The following SYTL5 variants were observed in gnomAD, a reference collection of about 807,000 sequenced individuals.
SYTL5 encodes the protein synaptotagmin-like protein 5.
SYTL5 carries 34 observed loss-of-function variants against 55.9 expected under a neutral mutation model. That is an observed-to-expected ratio of 0.61 (90% CI 0.46 to 0.81). The LOEUF is 0.81. Ranked by LOEUF, SYTL5 falls within the 30% of genes least tolerant of loss-of-function variation. The pLI, the probability that SYTL5 is intolerant of heterozygous loss-of-function variation, is 0.00. For synonymous variants in SYTL5, 221 were observed against 188.7 expected, an observed-to-expected ratio of 1.17 and a Z score of -1.40; for missense variants, 637 against 546.7, an observed-to-expected ratio of 1.17 and a Z score of -1.65.
chrX:38,084,699 G>T (rs1441861771), intron 6 of SYTL5, among the ~76,000 whole-genome samples: 2 of 83,140 alleles, frequency 2.4e-5, no homozygotes, highest in Non-Finnish European at 4.5e-5. Context: ...CCCCAAACTG[G>T]CATACACACA....
chrX:38,070,013 T>C (rs1022749795), intron 3 of SYTL5, among the ~76,000 whole-genome samples: 6 of 112,049 alleles, frequency 5.4e-5, no homozygotes, highest in Admixed American at 4.8e-4. Flanking sequence ...GGCTTCTCAA[T>C]AGGTAATATA....
At chrX:38,098,039 G>A (rs759052756) in intron 9 of SYTL5, among the ~76,000 whole-genome samples, 2 of 110,614 alleles carry the variant, frequency 1.8e-5, no homozygotes, top group Admixed American at 1.9e-4. Flanking sequence ...ATTAAGCAAC[G>A]CAAAATGGAT....
upstream of SYTL5, among the ~76,000 whole-genome samples, chrX:38,003,202 G>T (rs1933901352): frequency 9.0e-6 from 1 of 111,086 alleles, no homozygotes; most frequent in Non-Finnish European, 1.9e-5. Flanking sequence ...ATTTCTGAGG[G>T]CTCTGTTCTG....
the SYTL5 span, among the ~76,000 whole-genome samples, chrX:37,940,564 G>C: frequency 2.0e-5 from 2 of 101,773 alleles, no homozygotes; most frequent in East Asian, 6.2e-4. Flanking sequence ...TACATGTTTA[G>C]TATACAGACA....
the SYTL5 span, among the ~76,000 whole-genome samples, chrX:37,938,966 T>A: frequency 9.0e-6 from 1 of 111,423 alleles, no homozygotes; most frequent in Non-Finnish European, 1.9e-5. Context: ...GTTGAGATTG[T>A]TTGAAAAATG....
At chrX:38,040,220 A>G (rs1259004167) in intron 2 of SYTL5, among the ~76,000 whole-genome samples, 2 of 110,983 alleles carry the variant, frequency 1.8e-5, no homozygotes. Flanking sequence ...TAGTAGGTGT[A>G]TATATTTATG....
At chrX:37,889,361 A>G in the SYTL5 span, among the ~76,000 whole-genome samples, 4 of 111,526 alleles carry the variant, frequency 3.6e-5, no homozygotes, top group Non-Finnish European at 7.5e-5. Context: ...TGGTGTGGCC[A>G]GGGCTCTTTC....
At chrX:38,122,246 A>G in intron 15 of SYTL5, 31 bp downstream of exon 15, 6 of 1,169,770 alleles carry the variant, frequency 5.1e-6, no homozygotes, top group Non-Finnish European at 6.9e-6. Context: ...TTTGGATGAT[A>G]CTTAATAGGA....
intron 1 of SYTL5, among the ~76,000 whole-genome samples, chrX:38,021,328 C>A (rs913532955): frequency 9.0e-6 from 1 of 111,517 alleles, no homozygotes; most frequent in Non-Finnish European, 1.9e-5. Flanking sequence ...TGGTGAGGGG[C>A]TATATTCCAA....
At chrX:37,909,830 A>G in the SYTL5 span, among the ~76,000 whole-genome samples, 4 of 110,044 alleles carry the variant, frequency 3.6e-5, no homozygotes, top group African/African-American at 1.3e-4. Flanking sequence ...ACCTGCCACC[A>G]CACGCGGCTG....
the SYTL5 span, among the ~76,000 whole-genome samples, chrX:37,998,492 G>C: frequency 1.8e-5 from 2 of 111,867 alleles, no homozygotes; most frequent in African/African-American, 6.5e-5. Flanking sequence ...GCCTCACAGA[G>C]AGCCGGCACC....
At chrX:37,912,217 C>T in the SYTL5 span, among the ~76,000 whole-genome samples, 1 of 111,999 alleles carries the variant, frequency 8.9e-6, no homozygotes, top group African/African-American at 3.2e-5. Context: ...AGTAATGCAC[C>T]TCCCAGCACT....
intron 2 of SYTL5, among the ~76,000 whole-genome samples, chrX:38,043,479 G>C (rs1156258376): frequency 9.7e-6 from 1 of 102,919 alleles, no homozygotes; most frequent in African/African-American, 3.6e-5. Flanking sequence ...ACCTCAATCT[G>C]CTTAAACATT....
At chrX:37,929,714 T>C in the SYTL5 span, among the ~76,000 whole-genome samples, 1 of 111,890 alleles carries the variant, frequency 8.9e-6, no homozygotes, top group African/African-American at 3.2e-5. Flanking sequence ...AGGAAATTAT[T>C]TCCTTTTGCT....
chrX:37,968,185 G>A, the SYTL5 span, among the ~76,000 whole-genome samples: 1 of 110,426 alleles, frequency 9.1e-6, no homozygotes, highest in Non-Finnish European at 1.9e-5. Context: ...ATTTTCCTGT[G>A]TCTTCATTTT....
chrX:37,990,838 T>C, the SYTL5 span: 3 of 1,190,267 alleles, frequency 2.5e-6, no homozygotes, highest in African/African-American at 3.6e-5. Flanking sequence ...CCAGCAAACA[T>C]CATGTCAGAG....
At chrX:37,978,148 C>T in the SYTL5 span, among the ~76,000 whole-genome samples, 8 of 111,360 alleles carry the variant, frequency 7.2e-5, no homozygotes, top group African/African-American at 2.6e-4. Flanking sequence ...GAGAAACCAG[C>T]AGGAGGTCGT....
intron 3 of SYTL5, among the ~76,000 whole-genome samples, chrX:38,063,327 G>A (rs1936007260): frequency 1.8e-5 from 2 of 111,648 alleles, no homozygotes; most frequent in African/African-American, 3.3e-5. Context: ...TTAGTCCCTT[G>A]ACATGCTATT....
rs376608895 is a variant in SYTL5 at position 38,016,060 on chromosome X, G to A, written c.-357+9392G>A. Among the ~76,000 whole-genome samples the A allele has an allele frequency of 8.1e-5, 9 of 111,631 alleles. No individual in the cohort carries two copies. In the East Asian group the frequency reaches 2.5e-3, roughly 31 times the overall value. ...TAGGCCTACTATCATTAATTTTAAT[G>A]ATAGGAATGCTCACTTTAAGTTAGA... On this transcript the variant is annotated intron_variant, in intron 1 of 16. Coordinates refer to ENST00000297875, the MANE Select transcript of SYTL5 (RefSeq NM_138780.3).
Sources: allele counts gnomAD v4.1 joint callset (sites outside exome capture counted in the v4.1 genomes callset), GRCh38; gene constraint gnomAD v4.1.1; transcripts MANE v1.5; gene names NCBI Gene and HGNC (gene_info 2026-07-23, HGNC 2026-07-21).